Variants in PTK2B observed in about 807,000 individuals in gnomAD.
The protein encoded by PTK2B is protein-tyrosine kinase 2-beta.
Under a neutral mutation model 142.9 loss-of-function variants are expected in PTK2B, and 71 were observed. The observed-to-expected ratio is 0.50, with a 90% CI of 0.41 to 0.61. PTK2B has a LOEUF of 0.61. Ranked by LOEUF, PTK2B falls within the 20% of genes least tolerant of loss-of-function variation. The pLI is 0.00. For synonymous variants in PTK2B, 519 were observed against 503.4 expected (o/e 1.03, Z -0.42); for missense variants, 1,105 against 1,320.4 (o/e 0.84, Z 2.53).
At chr8:27,329,719 G>C (rs1332785044) in intron 1 of PTK2B, among the ~76,000 whole-genome samples, 1 of 152,110 alleles carries the variant, frequency 6.6e-6, no homozygotes, top group Non-Finnish European at 1.5e-5. Flanking sequence ...AGCAGGGATA[G>C]TGGTGACTCT....
chr8:27,403,904 C>G lies in PTK2B; in HGVS notation c.204+6116C>G, dbSNP rs114051494. Among the ~76,000 whole-genome samples, 494 of 150,746 alleles carry G rather than the reference C, an allele frequency of 3.3e-3. 4 individuals carry two copies. The highest frequency in any genetic ancestry group is 0.01 in the Middle Eastern group (3 of 290). On this transcript the variant is annotated intron_variant, in intron 2 of 30. Transcript: ENST00000346049. ...TTCTTCCTTTTCTTCTCTTCCTCCT[C>G]CTCCTCTTCTTTCTCCTTCTCCTTC...
At chr8:27,346,814 C>T (rs1367917498) in intron 1 of PTK2B, among the ~76,000 whole-genome samples, 1 of 152,218 alleles carries the variant, frequency 6.6e-6, no homozygotes, top group Non-Finnish European at 1.5e-5. Context: ...TTGGATAACT[C>T]ATGGCTGGAA....
upstream of PTK2B, chr8:27,311,249 G>A (rs536206083): frequency 6.5e-4 from 965 of 1,493,716 alleles, 4 homozygotes; most frequent in Middle Eastern, 1.9e-3. Context: ...ACGAGCAGCC[G>A]GCTCGGGCGC....
chr8:27,437,186 A>G lies in PTK2B; in HGVS notation c.1406A>G (p.Glu469Gly). The G allele has an allele frequency of 1.9e-6, 3 of 1,614,022 alleles. No homozygotes were observed. The highest frequency in any genetic ancestry group is 1.3e-5 in the African/African-American group (1 of 75,028). The change falls in exon 16 of 31, where the codon GAG (glutamate) becomes GGG (glycine). Residue 469 changes from glutamate to glycine, a missense_variant. Physicochemically the swap from Glu to Gly is moderately conservative, Grantham distance 98. Coordinates refer to ENST00000346049, the MANE Select transcript of PTK2B (RefSeq NM_173176.3). ...CKKDCTLDNK[E>G]KFMSEAVIMK... ...AAAGACTGCACTCTGGACAACAAGG[A>G]GAAGTTCATGAGCGAGGCAGGTAGG...
At chr8:27,449,036 G>C (rs1173797227) in intron 24 of PTK2B, among the ~76,000 whole-genome samples, 1 of 152,198 alleles carries the variant, frequency 6.6e-6, no homozygotes, top group Non-Finnish European at 1.5e-5. Flanking sequence ...AACTGGGGTG[G>C]TGCTATAGGC....
chr8:27,433,650 G>A (rs1428163798), intron 11 of PTK2B, 98 bp downstream of exon 11: 1 of 1,038,696 alleles, frequency 9.6e-7, no homozygotes, highest in Non-Finnish European at 1.5e-6. Context: ...TGATGGATAA[G>A]TGAATGAGGA....
chr8:27,329,908 A>G (rs1383192632), intron 1 of PTK2B, among the ~76,000 whole-genome samples: 1 of 152,122 alleles, frequency 6.6e-6, no homozygotes, highest in African/African-American at 2.4e-5. Context: ...TGAGGGTGGC[A>G]TGAGATAGTG....
At chr8:27,427,628 G>A (rs1332891673) in intron 5 of PTK2B, among the ~76,000 whole-genome samples, 4 of 152,204 alleles carry the variant, frequency 2.6e-5, no homozygotes, top group Non-Finnish European at 4.4e-5. Context: ...CAGGGGAACT[G>A]TAGATGACCA....
At chr8:27,344,430 G>C (rs140035661) in intron 1 of PTK2B, among the ~76,000 whole-genome samples, 5 of 152,306 alleles carry the variant, frequency 3.3e-5, no homozygotes, top group African/African-American at 1.2e-4. Context: ...CCTGCATGCT[G>C]AAGGGTGACA....
chr8:27,322,033 A>C (rs2069648290), upstream of PTK2B, among the ~76,000 whole-genome samples: 1 of 151,564 alleles, frequency 6.6e-6, no homozygotes, highest in Non-Finnish European at 1.5e-5. Flanking sequence ...TCTGTCACCC[A>C]GGCTGGAGTG....
At chr8:27,433,631 C>A in intron 11 of PTK2B, 79 bp downstream of exon 11, 1 of 1,197,378 alleles carries the variant, frequency 8.4e-7, no homozygotes, top group Non-Finnish European at 1.2e-6. Context: ...GTGGCAGAAG[C>A]TAAGCCACTG....
chr8:27,361,005 G>T (rs1227414711), intron 1 of PTK2B, among the ~76,000 whole-genome samples: 2 of 152,134 alleles, frequency 1.3e-5, no homozygotes, highest in African/African-American at 2.4e-5. Flanking sequence ...AAGTGAGAGT[G>T]ATTTTGTTAC....
intron 2 of PTK2B, among the ~76,000 whole-genome samples, chr8:27,415,783 A>G (rs139083095): frequency 0.012 from 1,800 of 152,374 alleles, 38 homozygotes; most frequent in African/African-American, 0.041. Flanking sequence ...AAAATAATTT[A>G]TAGAAGCAAA....
At chr8:27,321,118 C>G (rs151016034), upstream of PTK2B, among the ~76,000 whole-genome samples, 94 of 150,338 alleles carry the variant, frequency 6.3e-4, no homozygotes, top group African/African-American at 2.2e-3. Flanking sequence ...CATCAGCCTC[C>G]CAAGCAGCTA....
Position 27,431,408 on chromosome 8 carries a change from A to G in PTK2B, c.821A>G (p.Asn274Ser), listed in dbSNP as rs1251499891. ...CTCCTTTTATTCCAGCAAGGATGGA[A>G]CATTACTGTGGACCTGGTCATTGGC... ...TYRCELIQGW[N>S]ITVDLVIGPK... Residue 274 changes from asparagine to serine, a missense_variant, in exon 9 of 31, where the codon AAC becomes AGC. Coordinates refer to ENST00000346049, the MANE Select transcript of PTK2B (RefSeq NM_173176.3). 6.2e-7 allele frequency: 1 copy of G among 1,614,098 alleles called. No homozygotes were observed. The highest frequency in any genetic ancestry group is 8.5e-7 in the Non-Finnish European group (1 of 1,180,046).
chr8:27,382,405 T>G (rs1274346678), intron 1 of PTK2B, among the ~76,000 whole-genome samples: 1 of 152,216 alleles, frequency 6.6e-6, no homozygotes, highest in African/African-American at 2.4e-5. Context: ...TTCTACAGGT[T>G]GCCTGGTCCA....
intron 1 of PTK2B, among the ~76,000 whole-genome samples, chr8:27,395,760 T>C (rs554048211): frequency 2.3e-4 from 35 of 152,354 alleles, no homozygotes; most frequent in Non-Finnish European, 4.3e-4. Context: ...GTGCAAGCGA[T>C]AACTCACTTG....
At chr8:27,315,351 G>A (rs1285515964) in intron 3 of PTK2B, among the ~76,000 whole-genome samples, 1 of 152,130 alleles carries the variant, frequency 6.6e-6, no homozygotes, top group African/African-American at 2.4e-5. Flanking sequence ...AATTATCCTA[G>A]ATCTATTCAC....
At chr8:27,451,150 G>A (rs1160717430) in intron 26 of PTK2B, 72 bp downstream of exon 26, 48 of 1,528,634 alleles carry the variant, frequency 3.1e-5, no homozygotes, top group Middle Eastern at 1.8e-4. Context: ...AGGACCCCCC[G>A]CCCAACTTGC....
Sources: gnomAD v4.1 joint callset for allele counts (sites outside exome capture counted in the v4.1 genomes callset) on GRCh38, gnomAD v4.1.1 for gene constraint, MANE v1.5 for transcripts, NCBI Gene and HGNC (gene_info 2026-07-23, HGNC 2026-07-21) for gene names.